NOL4: variants seen among roughly 807,000 people sequenced by gnomAD.
NOL4 encodes nucleolar protein 4, also known as cancer/testis antigen 125.
In NOL4, 17 loss-of-function variants were observed where a neutral mutation model predicts 75.9. The ratio of observed to expected loss-of-function variants is 0.22; its 90% CI spans 0.15 to 0.34. The LOEUF (loss-of-function observed/expected upper bound fraction) is 0.34, where lower values mean the gene tolerates loss of function less well. Among genes scored for constraint, NOL4 ranks in the 10% least tolerant of loss-of-function variants. NOL4 has a pLI of 1.00. For missense variants in NOL4, 614 were observed against 793.5 expected (o/e 0.77, Z 2.72); for synonymous variants, 292 against 289.9 (o/e 1.01, Z -0.07).
At chr18:34,071,880 A>G (rs1438700082) in intron 5 of NOL4, among the ~76,000 whole-genome samples, 2 of 152,162 alleles carry the variant, frequency 1.3e-5, no homozygotes, top group East Asian at 3.8e-4. Context: ...GGGGGAATGT[A>G]CCTAACTATA....
intron 6 of NOL4, among the ~76,000 whole-genome samples, chr18:33,966,090 C>CA (rs1222815521): frequency 2.0e-5 from 3 of 151,984 alleles, no homozygotes; most frequent in Non-Finnish European, 4.4e-5. Context: ...TATTCAACAA[C>CA]ATTTAAGAAG....
intron 1 of NOL4, among the ~76,000 whole-genome samples, chr18:34,194,343 C>T (rs892058361): frequency 1.3e-5 from 2 of 149,728 alleles, no homozygotes; most frequent in Non-Finnish European, 3.0e-5. Flanking sequence ...TTTTTATTTG[C>T]CAATTGTTAA....
chr18:33,947,774 A>T (rs1190673879), intron 8 of NOL4, among the ~76,000 whole-genome samples: 1 of 151,894 alleles, frequency 6.6e-6, no homozygotes, highest in Non-Finnish European at 1.5e-5. Flanking sequence ...ATCTTTCTCC[A>T]GCACTGTTCT....
chr18:33,990,055 G>T (rs2072801623), intron 6 of NOL4, among the ~76,000 whole-genome samples: 1 of 152,046 alleles, frequency 6.6e-6, no homozygotes, highest in Non-Finnish European at 1.5e-5. Flanking sequence ...AAACTATCTT[G>T]TACTAGGGAG....
intron 1 of NOL4, among the ~76,000 whole-genome samples, chr18:34,139,475 A>G (rs2081047776): frequency 1.3e-5 from 2 of 152,138 alleles, no homozygotes; most frequent in East Asian, 1.9e-4. Context: ...AGAGGTGTTT[A>G]TAGTATTCTC....
intron 2 of NOL4, among the ~76,000 whole-genome samples, chr18:34,117,195 T>C (rs557342197): frequency 6.6e-6 from 1 of 152,304 alleles, no homozygotes; most frequent in Admixed American, 6.5e-5. Context: ...GTCCCACGAA[T>C]AGATTACCAT....
chr18:33,862,220 T>G (rs983459899), intron 10 of NOL4, among the ~76,000 whole-genome samples: 38 of 152,168 alleles, frequency 2.5e-4, no homozygotes, highest in East Asian at 5.8e-4. Context: ...TAGCCATATG[T>G]AGAAAGCTGA....
At chr18:34,123,532 C>CAT (rs34954122) in intron 2 of NOL4, among the ~76,000 whole-genome samples, 12,367 of 129,122 alleles carry the variant, frequency 0.096, 1,009 homozygotes, top group African/African-American at 0.24. Context: ...ATGTGATAAC[C>CAT]ATATATATAT....
chr18:33,967,426 G>C (rs2145835716), intron 6 of NOL4, among the ~76,000 whole-genome samples: 1 of 152,152 alleles, frequency 6.6e-6, no homozygotes, highest in African/African-American at 2.4e-5. Context: ...ATTTATCACT[G>C]AGTCCTCAAA....
chr18:33,966,906 C>G (rs1012400492), intron 6 of NOL4, among the ~76,000 whole-genome samples: 1 of 152,128 alleles, frequency 6.6e-6, no homozygotes, highest in Non-Finnish European at 1.5e-5. Context: ...CATAATTCCC[C>G]AAACAAACTA....
chr18:34,018,203 T>C (rs1359007442), intron 6 of NOL4, among the ~76,000 whole-genome samples: 1 of 152,174 alleles, frequency 6.6e-6, no homozygotes, highest in Non-Finnish European at 1.5e-5. Context: ...TGTAACACAG[T>C]GCACAGTGAA....
intron 1 of NOL4, among the ~76,000 whole-genome samples, chr18:34,157,870 G>A (rs940009837): frequency 6.6e-6 from 1 of 152,118 alleles, no homozygotes; most frequent in Admixed American, 6.5e-5. Context: ...AGGGTAGATA[G>A]GACATTGAAG....
At chr18:34,174,450 GGT>G (rs2033347197) in intron 1 of NOL4, among the ~76,000 whole-genome samples, 1 of 151,954 alleles carries the variant, frequency 6.6e-6, no homozygotes, top group Admixed American at 6.6e-5. Context: ...AAAAATTTGG[GGT>G]GTTTTAGCTT....
intron 2 of NOL4, among the ~76,000 whole-genome samples, chr18:34,116,753 T>C (rs879759410): frequency 6.6e-6 from 1 of 152,158 alleles, no homozygotes; most frequent in Non-Finnish European, 1.5e-5. Context: ...GTATCATAAG[T>C]ATGTAACGTA....
intron 9 of NOL4, among the ~76,000 whole-genome samples, chr18:33,892,611 A>C (rs2065156616): frequency 6.7e-6 from 1 of 149,828 alleles, no homozygotes; most frequent in Admixed American, 6.8e-5. Flanking sequence ...CATTTTATTC[A>C]CCATGAAGTA....
intron 2 of NOL4, among the ~76,000 whole-genome samples, chr18:34,108,140 T>C (rs1600616368): frequency 6.6e-6 from 1 of 152,190 alleles, no homozygotes; most frequent in African/African-American, 2.4e-5. Context: ...CAGCTTAAAA[T>C]AGTTTGTTAT....
intron 6 of NOL4, chr18:34,001,857 C>A (rs554691599): frequency 6.6e-6 from 1 of 152,192 alleles, no homozygotes; most frequent in Non-Finnish European, 1.5e-5. Context: ...GCGTTAAGTG[C>A]TAATACTGAA....
intron 1 of NOL4, among the ~76,000 whole-genome samples, chr18:34,180,451 C>T (rs1259742861): frequency 6.6e-6 from 1 of 151,252 alleles, no homozygotes; most frequent in Non-Finnish European, 1.5e-5. Context: ...GACAAAAAAG[C>T]TCAACAAACT....
intron 1 of NOL4, among the ~76,000 whole-genome samples, chr18:34,191,943 C>A (rs920498236): frequency 6.6e-6 from 1 of 152,174 alleles, no homozygotes; most frequent in African/African-American, 2.4e-5. Context: ...TACACACACA[C>A]ATACTGACTC....
Sources: allele counts gnomAD v4.1 joint callset (sites outside exome capture counted in the v4.1 genomes callset), GRCh38; gene constraint gnomAD v4.1.1; transcripts MANE v1.5; gene names NCBI Gene and HGNC (gene_info 2026-07-23, HGNC 2026-07-21).